The following ITGA6 variants were observed in gnomAD, a reference collection of about 807,000 sequenced individuals.
ITGA6 encodes the protein integrin subunit alpha 6, also known as integrin alpha-6.
In ITGA6, 63 loss-of-function variants were observed where a neutral mutation model predicts 133.6. The observed-to-expected ratio is 0.47, with a 90% CI of 0.38 to 0.58. ITGA6 has a LOEUF of 0.58. Among genes scored for constraint, ITGA6 ranks in the 20% least tolerant of loss-of-function variants. ITGA6 has a pLI of 0.00. For missense variants in ITGA6, 1,068 were observed against 1,309.4 expected (o/e 0.82, Z 2.85); for synonymous variants, 434 against 482.0 (o/e 0.90, Z 1.30).
intron 2 of ITGA6, among the ~76,000 whole-genome samples, chr2:172,466,376 T>C (rs943449869): frequency 6.6e-6 from 1 of 152,182 alleles, no homozygotes; most frequent in Non-Finnish European, 1.5e-5. Context: ...TCCTAGCATT[T>C]TGGGAGGCCG....
At chr2:172,445,317 A>T (rs1483096528) in intron 1 of ITGA6, among the ~76,000 whole-genome samples, 1 of 149,714 alleles carries the variant, frequency 6.7e-6, no homozygotes, top group African/African-American at 2.4e-5. Context: ...CCTATTTCTA[A>T]ATCTGTTGTC....
intron 2 of ITGA6, among the ~76,000 whole-genome samples, chr2:172,467,107 C>T (rs1685714002): frequency 6.6e-6 from 1 of 152,098 alleles, no homozygotes; most frequent in African/African-American, 2.4e-5. Flanking sequence ...TGGATGGTAG[C>T]TGCAGTTTGG....
At chr2:172,433,529 TC>T (rs1296654493) in intron 1 of ITGA6, among the ~76,000 whole-genome samples, 6 of 152,190 alleles carry the variant, frequency 3.9e-5, no homozygotes, top group African/African-American at 1.4e-4. Flanking sequence ...GAAGCTAGTA[TC>T]CTCGCACATT....
At chr2:172,458,305 A>G (rs888774052) in intron 1 of ITGA6, among the ~76,000 whole-genome samples, 2 of 151,574 alleles carry the variant, frequency 1.3e-5, no homozygotes, top group African/African-American at 4.9e-5. Flanking sequence ...CAGTAGTACA[A>G]TCTCGGCTCC....
intron 24 of ITGA6, among the ~76,000 whole-genome samples, chr2:172,498,763 A>C (rs1687232394): frequency 6.6e-6 from 1 of 152,214 alleles, no homozygotes; most frequent in African/African-American, 2.4e-5. Flanking sequence ...CAAAGATTAC[A>C]ACCTAAAAAT....
intron 1 of ITGA6, among the ~76,000 whole-genome samples, chr2:172,451,758 G>A (rs1304263476): frequency 6.6e-6 from 1 of 152,074 alleles, no homozygotes; most frequent in African/African-American, 2.4e-5. Flanking sequence ...GGCAAGTATC[G>A]ACTGACTTGT....
intron 23 of ITGA6, among the ~76,000 whole-genome samples, chr2:172,492,161 G>A (rs576376537): frequency 6.6e-6 from 1 of 152,196 alleles, no homozygotes; most frequent in Admixed American, 6.5e-5. Flanking sequence ...CAGCTGAGGT[G>A]GGGTCTGCTT....
intron 1 of ITGA6, among the ~76,000 whole-genome samples, chr2:172,453,021 C>G: frequency 6.6e-6 from 1 of 152,118 alleles, no homozygotes; most frequent in East Asian, 1.9e-4. Context: ...GGGAGGTGGG[C>G]CCCGTCACAG....
chr2:172,431,436 A>G (rs6757785), intron 1 of ITGA6, among the ~76,000 whole-genome samples: 46,424 of 152,154 alleles, frequency 0.31, 8,275 homozygotes, highest in East Asian at 0.68. Flanking sequence ...TCCCATATGC[A>G]TAGGTCAGGG....
At chr2:172,442,406 C>G (rs1252144013) in intron 1 of ITGA6, among the ~76,000 whole-genome samples, 2 of 152,176 alleles carry the variant, frequency 1.3e-5, no homozygotes, top group Non-Finnish European at 2.9e-5. Context: ...CTAGAAAGGA[C>G]AGATTCAGTC....
intron 1 of ITGA6, among the ~76,000 whole-genome samples, chr2:172,458,446 A>T (rs568660069): frequency 6.6e-6 from 1 of 152,132 alleles, no homozygotes; most frequent in African/African-American, 2.4e-5. Context: ...CCAAGTCATG[A>T]CACTAGAAAT....
rs1222052137 is a variant in ITGA6, at chr2:172,498,111, T to C, written c.3114+11T>C. On this transcript the variant is annotated intron_variant, in intron 24 of 25. Transcript: ENST00000684293. ...TTTATACTATGGAAGGTAAGTCATA[T>C]CTGGCATTTGAATTTCATAACAAAC... 6.2e-7 allele frequency: 1 copy of C among 1,612,584 alleles called. No individual in the cohort carries two copies.
chr2:172,429,286 TCTG>T (rs1237833110), intron 1 of ITGA6, among the ~76,000 whole-genome samples: 3 of 152,124 alleles, frequency 2.0e-5, no homozygotes, highest in African/African-American at 7.2e-5. Flanking sequence ...CTGCTTATAC[TCTG>T]CTTTCTCTCA....
intron 1 of ITGA6, among the ~76,000 whole-genome samples, chr2:172,452,934 C>T (rs1412377154): frequency 6.6e-6 from 1 of 152,174 alleles, no homozygotes; most frequent in Admixed American, 6.5e-5. Context: ...TCCTTTGCAG[C>T]TCTTATAAAT....
chr2:172,489,044 C>T (rs1323338534), intron 19 of ITGA6, among the ~76,000 whole-genome samples: 1 of 152,194 alleles, frequency 6.6e-6, no homozygotes, highest in Non-Finnish European at 1.5e-5. Flanking sequence ...TTTGCAGAAT[C>T]TCCTCTGGGA....
chr2:172,445,050 C>G (rs1684702921), intron 1 of ITGA6, among the ~76,000 whole-genome samples: 1 of 152,008 alleles, frequency 6.6e-6, no homozygotes, highest in South Asian at 2.1e-4. Context: ...ACTGCAACCT[C>G]TGCCTCTCAG....
intron 2 of ITGA6, among the ~76,000 whole-genome samples, chr2:172,466,855 T>C (rs925781260): frequency 2.6e-5 from 4 of 152,178 alleles, no homozygotes; most frequent in African/African-American, 9.7e-5. Context: ...GTGCAAAATT[T>C]GGATATAGGT....
intron 24 of ITGA6, among the ~76,000 whole-genome samples, chr2:172,501,019 C>T (rs1355847421): frequency 6.6e-6 from 1 of 152,114 alleles, no homozygotes; most frequent in Non-Finnish European, 1.5e-5. Flanking sequence ...TTATAAAAGA[C>T]AGTTCCATGG....
chr2:172,455,819 T>TA (rs1365352849), intron 1 of ITGA6, among the ~76,000 whole-genome samples: 2 of 152,220 alleles, frequency 1.3e-5, no homozygotes, highest in South Asian at 2.1e-4. Flanking sequence ...TTTTATAACT[T>TA]AAAGTACACA....
Sources: allele counts gnomAD v4.1 joint callset (sites outside exome capture counted in the v4.1 genomes callset), GRCh38; gene constraint gnomAD v4.1.1; transcripts MANE v1.5; gene names NCBI Gene and HGNC (gene_info 2026-07-23, HGNC 2026-07-21).